The following ANKRD30BL variants were observed in gnomAD, a reference collection of about 807,000 sequenced individuals.
The protein encoded by ANKRD30BL is putative ankyrin repeat domain-containing protein 30B-like.
Under a neutral mutation model 18.4 loss-of-function variants are expected in ANKRD30BL, and 20 were observed. That is an observed-to-expected ratio of 1.09 (90% CI 0.77 to 1.58). ANKRD30BL has a LOEUF of 1.58. Among genes scored for constraint, ANKRD30BL ranks in the 40% most tolerant of loss-of-function variants. The pLI is 0.00. For missense variants in ANKRD30BL, 224 were observed against 268.6 expected, an observed-to-expected ratio of 0.83 and a Z score of 1.16; for synonymous variants, 72 against 100.9, an observed-to-expected ratio of 0.71 and a Z score of 1.72.
chr2:132,172,801 A>G (rs1688305185), intron 1 of ANKRD30BL, among the ~76,000 whole-genome samples: 2 of 151,176 alleles, frequency 1.3e-5, no homozygotes, highest in Middle Eastern at 3.2e-3. Context: ...TCCGCCTCCC[A>G]GGTTCAAGTG....
chr2:132,202,975 A>G (rs1679137748), intron 1 of ANKRD30BL, among the ~76,000 whole-genome samples: 1 of 152,212 alleles, frequency 6.6e-6, no homozygotes, highest in South Asian at 2.1e-4. Flanking sequence ...AAAGCAGATC[A>G]GGATATTCTC....
intron 1 of ANKRD30BL, among the ~76,000 whole-genome samples, chr2:132,202,316 C>CA (rs1679121650): frequency 6.6e-6 from 1 of 150,504 alleles, no homozygotes. Flanking sequence ...AGTACATCAC[C>CA]AAAAAAATAA....
At chr2:132,215,778 G>A (rs1327785086) in intron 1 of ANKRD30BL, among the ~76,000 whole-genome samples, 9 of 151,498 alleles carry the variant, frequency 5.9e-5, no homozygotes, top group Non-Finnish European at 1.0e-4. Flanking sequence ...CCTTTCCTTC[G>A]ATTGTGTAGT....
At chr2:132,171,766 T>A (rs1688286895) in intron 1 of ANKRD30BL, among the ~76,000 whole-genome samples, 1 of 152,232 alleles carries the variant, frequency 6.6e-6, no homozygotes, top group African/African-American at 2.4e-5. Context: ...GAATTTTAAA[T>A]GAACAGTTCA....
intron 1 of ANKRD30BL, among the ~76,000 whole-genome samples, chr2:132,253,931 C>T (rs80118839): frequency 6.6e-6 from 1 of 152,012 alleles, no homozygotes; most frequent in African/African-American, 2.4e-5. Context: ...GCAGCGGCAG[C>T]GATGGGAACC....
intron 1 of ANKRD30BL, among the ~76,000 whole-genome samples, chr2:132,215,768 C>A (rs796894054): frequency 6.6e-6 from 1 of 151,686 alleles, no homozygotes; most frequent in Non-Finnish European, 1.5e-5. Context: ...GAGAGTTGAA[C>A]CTTTCCTTCG....
At chr2:132,217,374 G>T (rs138871329) in intron 1 of ANKRD30BL, among the ~76,000 whole-genome samples, 2 of 152,028 alleles carry the variant, frequency 1.3e-5, no homozygotes, top group Non-Finnish European at 2.9e-5. Flanking sequence ...CACTGTTTTT[G>T]TAGAATCTGC....
intron 1 of ANKRD30BL, among the ~76,000 whole-genome samples, chr2:132,235,312 A>C (rs1476514458): frequency 3.9e-5 from 6 of 152,164 alleles, no homozygotes; most frequent in Non-Finnish European, 8.8e-5. Context: ...ACTCCTATTC[A>C]ACATAGGGTT....
chr2:132,165,421 C>A (rs796844122), upstream of ANKRD30BL, among the ~76,000 whole-genome samples: 1 of 151,766 alleles, frequency 6.6e-6, no homozygotes, highest in Non-Finnish European at 1.5e-5. Context: ...CAGCCAGGCG[C>A]GGTGGCTCAC....
chr2:132,167,285 ATT>A (rs1688204978), intron 1 of ANKRD30BL, among the ~76,000 whole-genome samples: 2 of 63,712 alleles, frequency 3.1e-5, no homozygotes, highest in African/African-American at 2.4e-4. Flanking sequence ...TTTTTATTTT[ATT>A]TTATTTTATT....
At chr2:132,221,159 C>T (rs1253408245) in intron 1 of ANKRD30BL, among the ~76,000 whole-genome samples, 9 of 145,680 alleles carry the variant, frequency 6.2e-5, no homozygotes, top group South Asian at 2.1e-4. Context: ...GGAGCATCTC[C>T]GCCCGGCAGC....
chr2:132,161,816 T>A lies in ANKRD30BL; in HGVS notation c.-111A>T. 1 of 639,598 alleles carries A rather than the reference T, an allele frequency of 1.6e-6. No homozygotes were observed. Among genetic ancestry groups the A allele is most frequent in the Non-Finnish European group, 2.8e-6 (1 of 358,176 alleles). 39.6% of individuals were successfully genotyped at this position (639,598 alleles called of 1,614,324 possible). A position where few individuals can be genotyped will look rare whatever the true frequency, so the allele number is the denominator to read the frequency against. On this transcript the variant is annotated 5_prime_UTR_variant, in exon 1 of 6. Transcript: ENST00000409867. ...GTCCCTGCATCCGCCCTGACAAGACTAGAAATCTCAGTCGGGCCAAGCTTT... is the reference window on the plus strand; with the variant it reads ...GTCCCTGCATCCGCCCTGACAAGACAAGAAATCTCAGTCGGGCCAAGCTTT...
intron 1 of ANKRD30BL, among the ~76,000 whole-genome samples, chr2:132,247,061 C>T (rs1680521037): frequency 6.6e-6 from 1 of 151,242 alleles, no homozygotes; most frequent in Non-Finnish European, 1.5e-5. Context: ...CATTCCCTTT[C>T]ATGGAGCAGT....
chr2:132,195,415 A>G (rs1456220008), intron 1 of ANKRD30BL, among the ~76,000 whole-genome samples: 1 of 151,928 alleles, frequency 6.6e-6, no homozygotes, highest in Non-Finnish European at 1.5e-5. Flanking sequence ...AATTCACCAC[A>G]GCAAATATGA....
intron 1 of ANKRD30BL, among the ~76,000 whole-genome samples, chr2:132,192,582 G>A (rs1573828735): frequency 6.6e-6 from 1 of 152,210 alleles, no homozygotes; most frequent in African/African-American, 2.4e-5. Flanking sequence ...TCATGAGGTG[G>A]AAATAGTAAA....
intron 1 of ANKRD30BL, among the ~76,000 whole-genome samples, chr2:132,233,218 C>T (rs1445370881): frequency 6.6e-6 from 1 of 151,992 alleles, no homozygotes; most frequent in African/African-American, 2.4e-5. Flanking sequence ...CCAGTACCAG[C>T]CACTGCAAAA....
At chr2:132,218,324 C>T (rs201005553) in intron 1 of ANKRD30BL, among the ~76,000 whole-genome samples, 2 of 147,884 alleles carry the variant, frequency 1.4e-5, no homozygotes, top group Non-Finnish European at 3.1e-5. Context: ...TTCCCAGAAA[C>T]TTCTTTTTGA....
intron 1 of ANKRD30BL, among the ~76,000 whole-genome samples, chr2:132,247,488 T>C (rs1680535795): frequency 2.0e-5 from 3 of 151,812 alleles, no homozygotes; most frequent in Admixed American, 2.0e-4. Flanking sequence ...AAAAGGATTG[T>C]TTCCAAACAG....
intron 4 of ANKRD30BL, among the ~76,000 whole-genome samples, chr2:132,153,848 G>A (rs1428925858): frequency 6.6e-6 from 1 of 152,194 alleles, no homozygotes; most frequent in East Asian, 1.9e-4. Context: ...AGGCTAAAAG[G>A]AAGGGGTGAA....
Sources: gnomAD v4.1 joint callset for allele counts (sites outside exome capture counted in the v4.1 genomes callset) on GRCh38, gnomAD v4.1.1 for gene constraint, MANE v1.5 for transcripts, NCBI Gene and HGNC (gene_info 2026-07-23, HGNC 2026-07-21) for gene names.